The following EPSTI1 variants were observed in gnomAD, a reference collection of about 807,000 sequenced individuals.
The protein encoded by EPSTI1 is epithelial stromal interaction 1, also known as epithelial-stromal interaction protein 1.
Under a neutral mutation model 49.9 loss-of-function variants are expected in EPSTI1, and 66 were observed. That is an observed-to-expected ratio of 1.32 (90% confidence interval 1.08 to 1.62). The LOEUF is 1.62. Among genes scored for constraint, EPSTI1 ranks in the 40% most tolerant of loss-of-function variants. The pLI is 0.00. For missense variants in EPSTI1, 394 were observed against 365.5 expected (o/e 1.08, Z -0.64); for synonymous variants, 137 against 130.7 (o/e 1.05, Z -0.33).
chr13:42,979,513 C>A (rs1309566365), intron 1 of EPSTI1, among the ~76,000 whole-genome samples: 3 of 145,690 alleles, frequency 2.1e-5, no homozygotes, highest in Admixed American at 7.1e-5. Context: ...ACCCGGAAGG[C>A]GGCGGAGCTT....
chr13:42,888,643 G>T, intron 10 of EPSTI1, 141 bp from the exon 11 acceptor site: 2 of 832,712 alleles, frequency 2.4e-6, no homozygotes, highest in Non-Finnish European at 3.7e-6. Flanking sequence ...CAACTTAAAT[G>T]ACCATTGAAA....
intron 8 of EPSTI1, 139 bp from the exon 9 acceptor site, chr13:42,900,522 T>A: frequency 1.3e-6 from 1 of 776,654 alleles, no homozygotes; most frequent in Non-Finnish European, 2.0e-6. Flanking sequence ...TATTTGGATG[T>A]GAAATTATTT....
intron 6 of EPSTI1, among the ~76,000 whole-genome samples, chr13:42,927,873 G>T (rs2038233413): frequency 6.6e-6 from 1 of 152,304 alleles, no homozygotes; most frequent in Admixed American, 6.5e-5. Context: ...AGTATAAAAA[G>T]AAGAGTGATG....
In EPSTI1 at chr13:42,895,126, ATGTG is replaced by A. The variant is rs759126858; in HGVS notation, c.816-22_816-19del. ...TATTTACCCTTTAAAACAATGAAAAATGTGTGTGAGTAGAAAACTTGCTGCAGGG... is the reference window on the plus strand; with the variant it reads ...TATTTACCCTTTAAAACAATGAAAAATGTGAGTAGAAAACTTGCTGCAGGG... On this transcript the variant is annotated intron_variant, in intron 9 of 10. Transcript: ENST00000313624. 6 of 1,594,618 alleles carry A rather than the reference ATGTG, an allele frequency of 3.8e-6. No individual in the cohort carries two copies. In the Admixed American group the frequency reaches 8.5e-5, roughly 23 times the overall value.
At chr13:42,901,154 A>G (rs2037341279) in intron 8 of EPSTI1, among the ~76,000 whole-genome samples, 1 of 152,206 alleles carries the variant, frequency 6.6e-6, no homozygotes, top group Admixed American at 6.5e-5. Context: ...CAAAGAGAAG[A>G]AAATTATTAG....
chr13:42,905,232 A>G (rs151099697), intron 8 of EPSTI1, among the ~76,000 whole-genome samples: 4,039 of 152,262 alleles, frequency 0.027, 93 homozygotes, highest in Non-Finnish European at 0.045. Flanking sequence ...GGGAGAAGAG[A>G]TAAAGACCAG....
intron 9 of EPSTI1, among the ~76,000 whole-genome samples, chr13:42,900,108 G>A (rs886724368): frequency 1.4e-4 from 22 of 152,150 alleles, no homozygotes; most frequent in Admixed American, 2.6e-4. Context: ...AATTGTGCAT[G>A]CACATATGTA....
chr13:42,909,784 G>A (rs1035551183), intron 8 of EPSTI1, among the ~76,000 whole-genome samples: 2 of 152,098 alleles, frequency 1.3e-5, no homozygotes, highest in Admixed American at 6.5e-5. Flanking sequence ...GGGTTAGGAG[G>A]AAATGGTGAA....
intron 6 of EPSTI1, among the ~76,000 whole-genome samples, chr13:42,951,298 C>T (rs1471055421): frequency 6.6e-6 from 1 of 152,238 alleles, no homozygotes. Context: ...TACATACTCA[C>T]TGCTTATTTC....
intron 6 of EPSTI1, among the ~76,000 whole-genome samples, chr13:42,935,795 G>T (rs1182918442): frequency 6.6e-6 from 1 of 151,978 alleles, no homozygotes; most frequent in Non-Finnish European, 1.5e-5. Flanking sequence ...GTTTCACCAT[G>T]TTGCCCAGGT....
rs2038057143 is a variant in EPSTI1, at chr13:42,922,918, T to C, written c.657+3418A>G. On this transcript the variant is annotated intron_variant, in intron 7 of 10. Transcript: ENST00000313624. The surrounding 1 kb of genome is among the most constrained non-coding windows in gnomAD (Gnocchi z 4.8). ...AAGCTCTGATTCAGGAGGTCTGCAGTGGGGCCTGAGATTGATCTGCATCTA... is the reference window on the plus strand; with the variant it reads ...AAGCTCTGATTCAGGAGGTCTGCAGCGGGGCCTGAGATTGATCTGCATCTA... 6.6e-6 allele frequency among the ~76,000 whole-genome samples: 1 copy of C among 152,196 alleles called. No homozygotes were observed. Among genetic ancestry groups the C allele is most frequent in the South Asian group, 2.1e-4 (1 of 4,826 alleles).
chr13:42,992,169 T>G lies in EPSTI1; in HGVS notation c.-4A>C. On this transcript the variant is annotated 5_prime_UTR_variant, in exon 1 of 11. Coordinates refer to ENST00000313624, the MANE Select transcript of EPSTI1 (RefSeq NM_033255.5). ...CCACTCTATTGCGGGTGTTCATGGT[T>G]CACAGCCCGCGGGTCCCGGGCCGCC... 5.2e-6 allele frequency: 8 copies of G among 1,551,538 alleles called. No homozygotes were observed. Among genetic ancestry groups the G allele is most frequent in the Non-Finnish European group, 7.0e-6 (8 of 1,150,992 alleles).
Position 42,887,901 on chromosome 13 carries a change from C to A in EPSTI1, c.*593G>T. 1 of 173,268 alleles carries A rather than the reference C, an allele frequency of 5.8e-6. No individual in the cohort carries two copies. The highest frequency in any genetic ancestry group is 1.2e-5 in the Non-Finnish European group (1 of 82,080). 10.7% of individuals were successfully genotyped at this position (173,268 alleles called of 1,614,324 possible). A position where few individuals can be genotyped will look rare whatever the true frequency, so the allele number is the denominator to read the frequency against. On this transcript the variant is annotated 3_prime_UTR_variant, in exon 11 of 11. Transcript: ENST00000313624. ...ATGACAGTACTATATTTGATCTATA[C>A]GGCCTGGAAAAGGGAATTAAAATGA...
chr13:42,963,540 G>A, intron 4 of EPSTI1: 1 of 573,326 alleles, frequency 1.7e-6, no homozygotes, highest in Non-Finnish European at 3.1e-6. Flanking sequence ...CTGTCTTTGT[G>A]TTTCTTCCTT....
intron 10 of EPSTI1, 70 bp downstream of exon 10, chr13:42,894,939 A>G (rs1243405450): frequency 2.2e-6 from 3 of 1,368,414 alleles, no homozygotes; most frequent in African/African-American, 1.5e-5. Context: ...GCCAAAACAT[A>G]TATTAAAAAT....
intron 1 of EPSTI1, among the ~76,000 whole-genome samples, chr13:42,990,325 A>C (rs956635636): frequency 6.6e-6 from 1 of 152,212 alleles, no homozygotes; most frequent in Admixed American, 6.5e-5. Context: ...ACCCATCAGA[A>C]AGCTGCCTCT....
intron 1 of EPSTI1, among the ~76,000 whole-genome samples, chr13:42,981,552 C>T (rs1251107504): frequency 3.3e-5 from 5 of 152,176 alleles, no homozygotes; most frequent in African/African-American, 1.2e-4. Flanking sequence ...CAAATGCGTA[C>T]CATACTGAGG....
chr13:42,945,863 T>G (rs1442166487), intron 6 of EPSTI1, among the ~76,000 whole-genome samples: 1 of 152,216 alleles, frequency 6.6e-6, no homozygotes, highest in East Asian at 1.9e-4. Flanking sequence ...ATTCAATAGG[T>G]AGGAATTCCT....
chr13:42,917,213 C>T (rs1054532694), intron 8 of EPSTI1, among the ~76,000 whole-genome samples: 2 of 152,072 alleles, frequency 1.3e-5, no homozygotes, highest in African/African-American at 2.4e-5. Flanking sequence ...CATATATCTT[C>T]GGTTTAAAAA....
Sources: gnomAD v4.1 joint callset for allele counts (sites outside exome capture counted in the v4.1 genomes callset) on GRCh38, gnomAD v4.1.1 for gene constraint, Gnocchi (gnomAD v3.1) non-coding constraint, MANE v1.5 for transcripts, NCBI Gene and HGNC (gene_info 2026-07-23, HGNC 2026-07-21) for gene names.